PKHD1L1: variants seen among roughly 807,000 people sequenced by gnomAD.
The protein encoded by PKHD1L1 is PKHD1 like 1.
In PKHD1L1, 434 loss-of-function variants were observed where a neutral mutation model predicts 462.9. The ratio of observed to expected loss-of-function variants is 0.94; its 90% CI spans 0.87 to 1.02. PKHD1L1 has a LOEUF of 1.02. Among genes scored for constraint, PKHD1L1 ranks in the 50% least tolerant of loss-of-function variants. PKHD1L1 has a pLI of 0.00. For missense variants in PKHD1L1, 5,202 were observed against 5,096.1 expected, an observed-to-expected ratio of 1.02 and a Z score of -0.63; for synonymous variants, 1,781 against 1,750.0, an observed-to-expected ratio of 1.02 and a Z score of -0.44.
chr8:109,437,358 T>G (rs2130722672), intron 30 of PKHD1L1, among the ~76,000 whole-genome samples: 1 of 152,346 alleles, frequency 6.6e-6, no homozygotes, highest in African/African-American at 2.4e-5. Flanking sequence ...TTTTTATTAT[T>G]ATGCTTTAAG....
chr8:109,476,730 T>G (rs1818007323), intron 52 of PKHD1L1, 63 bp downstream of exon 52: 3 of 1,447,822 alleles, frequency 2.1e-6, no homozygotes, highest in Non-Finnish European at 2.8e-6. Context: ...TGAGAAAAAT[T>G]GCTTAATAAG....
At position 109,388,540 on chromosome 8, in the gene PKHD1L1, T is replaced by A; in HGVS notation, c.613T>A (p.Ser205Thr). 1.3e-6 allele frequency: 2 copies of A among 1,511,210 alleles called. No individual in the cohort carries two copies. The highest frequency in any genetic ancestry group is 2.5e-5 in the East Asian group (1 of 40,662). The allele number at this position is 1,511,210 out of a possible 1,614,324, so 93.6% of individuals were successfully genotyped here. Residue 205 changes from serine to threonine, a missense_variant, in exon 7 of 78, where the codon TCT becomes ACT. By Grantham distance (58) the Ser-to-Thr change is moderately conservative. Transcript: ENST00000378402. ...GCCCTGTGAGCTTCTCATACCACAATCTGATAATTTGTAAGTAATTCAAAT... is the reference window on the plus strand; with the variant it reads ...GCCCTGTGAGCTTCTCATACCACAAACTGATAATTTGTAAGTAATTCAAAT... Reference protein sequence around the residue: ...GMPCELLIPQSDNLYGLKLDH... With the variant: ...GMPCELLIPQTDNLYGLKLDH...
At chr8:109,374,334 T>C (rs1811688891) in intron 2 of PKHD1L1, among the ~76,000 whole-genome samples, 1 of 152,238 alleles carries the variant, frequency 6.6e-6, no homozygotes, top group Admixed American at 6.5e-5. Context: ...CTCTGCCTTT[T>C]TTGTTTTCCA....
intron 59 of PKHD1L1, among the ~76,000 whole-genome samples, chr8:109,488,659 A>G (rs1443731413): frequency 6.6e-6 from 1 of 151,952 alleles, no homozygotes; most frequent in Non-Finnish European, 1.5e-5. Flanking sequence ...TATTTTAGAA[A>G]ATCTTTATAT....
intron 71 of PKHD1L1, among the ~76,000 whole-genome samples, chr8:109,511,727 G>A (rs1025371227): frequency 2.6e-5 from 4 of 152,092 alleles, no homozygotes; most frequent in Non-Finnish European, 5.9e-5. Context: ...GGATGGCTGG[G>A]TCAAATGGTA....
At chr8:109,382,182 T>C (rs1457859520) in intron 3 of PKHD1L1, among the ~76,000 whole-genome samples, 2 of 144,854 alleles carry the variant, frequency 1.4e-5, no homozygotes, top group African/African-American at 4.9e-5. Context: ...ATGTTTATTA[T>C]TGCATTTGTT....
Position 109,406,466 on chromosome 8 carries a change from A to G in PKHD1L1, c.1801A>G (p.Ile601Val), listed in dbSNP as rs370430074. 10 of 1,601,418 alleles carry G rather than the reference A, an allele frequency of 6.2e-6. No homozygotes were observed. In the African/African-American group the frequency reaches 1.1e-4, roughly 17 times the overall value. The change falls in exon 17 of 78, where the codon ATA (isoleucine) becomes GTA (valine). Residue 601 changes from isoleucine (I) to valine (V), a missense_variant. By Grantham distance (29) the Ile-to-Val change is conservative. Coordinates refer to ENST00000378402, the MANE Select transcript of PKHD1L1 (RefSeq NM_177531.6). Reference protein sequence around the residue: ...PQSYVYMVTFISTRGDFDLLG... With the variant: ...PQSYVYMVTFVSTRGDFDLLG... ...GAGCTATGTCTACATGGTAACATTC[A>G]TATCAACTAGAGGTAAGCATGTACT...
At chr8:109,416,886 A>T (rs1471322374) in intron 21 of PKHD1L1, among the ~76,000 whole-genome samples, 1 of 152,190 alleles carries the variant, frequency 6.6e-6, no homozygotes, top group Non-Finnish European at 1.5e-5. Context: ...GGAAGGAATG[A>T]TTGAATTAAA....
At chr8:109,450,477 A>AAT (rs201037112) in intron 40 of PKHD1L1, among the ~76,000 whole-genome samples, 469 of 150,960 alleles carry the variant, frequency 3.1e-3, no homozygotes, top group African/African-American at 7.2e-3. Flanking sequence ...CTGATTAAAA[A>AAT]ATATATATAT....
chr8:109,498,087 CTTTTTTT>C (rs71305953), intron 65 of PKHD1L1, among the ~76,000 whole-genome samples: 4 of 58,960 alleles, frequency 6.8e-5, no homozygotes, highest in Non-Finnish European at 1.2e-4. Context: ...ATCATGTTTT[CTTTTTTT>C]TTTTTTTTTT....
intron 36 of PKHD1L1, 117 bp from the exon 37 acceptor site, chr8:109,443,559 A>G (rs1482968362): frequency 1.2e-6 from 1 of 865,424 alleles, no homozygotes; most frequent in East Asian, 2.7e-5. Flanking sequence ...TTGTTTTTCA[A>G]AAAAGATTTA....
rs146559431 is a variant in PKHD1L1, at chr8:109,426,892, A to G, written c.2846-110A>G. ...GATCTCAAACGCCTGACCTCAGGTG[A>G]CCCGCCCGCTTTGGCCTCCCAAAGT... On this transcript the variant is annotated intron_variant, in intron 24 of 77. Coordinates refer to ENST00000378402, the MANE Select transcript of PKHD1L1 (RefSeq NM_177531.6). 6,439 of 674,836 alleles carry G rather than the reference A, an allele frequency of 9.5e-3. 65 individuals are homozygous for G. The highest frequency in any genetic ancestry group is 0.038 in the Middle Eastern group (88 of 2,322). The allele number at this position is 674,836 out of a possible 1,614,324, so 41.8% of individuals were successfully genotyped here.
At chr8:109,441,960 A>G in intron 34 of PKHD1L1, 47 bp from the exon 35 acceptor site, 1 of 1,454,876 alleles carries the variant, frequency 6.9e-7, no homozygotes, top group Non-Finnish European at 9.1e-7. Context: ...ATAATTATTA[A>G]GAAATTCTCT....
chr8:109,394,436 A>G lies in PKHD1L1; in HGVS notation c.762A>G (p.Ala254=), dbSNP rs1341222686. 3 of 1,524,590 alleles carry G rather than the reference A, an allele frequency of 2.0e-6. No homozygotes were observed. The highest frequency in any genetic ancestry group is 1.2e-5 in the South Asian group (1 of 80,196). 94.4% of individuals were successfully genotyped at this position (1,524,590 alleles called of 1,614,324 possible). Residue 254 remains alanine, a synonymous_variant, in exon 10 of 78, where the codon GCA becomes GCG. Transcript: ENST00000378402. The part of the protein sequence containing the change: ...DYGRSFPQKM[A]YFVSSLNKIA... ...ACAGGAGTTTTCCACAGAAAATGGC[A>G]TATTTTGTTTCTTCTCTCAATAAAA...
intron 14 of PKHD1L1, 30 bp downstream of exon 14, chr8:109,401,618 G>A (rs765881219): frequency 8.4e-7 from 1 of 1,183,700 alleles, no homozygotes; most frequent in South Asian, 1.3e-5. Flanking sequence ...TTAAATTACT[G>A]TGTGGTATTT....
intron 50 of PKHD1L1, chr8:109,470,166 T>A: frequency 4.4e-6 from 3 of 677,328 alleles, no homozygotes; most frequent in South Asian, 4.6e-5. Context: ...AATATTTGGA[T>A]GAAGATTGGG....
intron 47 of PKHD1L1, among the ~76,000 whole-genome samples, chr8:109,460,861 G>GAAGGATCTATCTCA (rs1817083136): frequency 6.6e-6 from 1 of 152,096 alleles, no homozygotes; most frequent in South Asian, 2.1e-4. Context: ...ATCTCAGCAC[G>GAAGGATCTATCTCA]GGCTTCTGTG....
chr8:109,479,778 G>T, intron 54 of PKHD1L1, 139 bp downstream of exon 54: 1 of 817,126 alleles, frequency 1.2e-6, no homozygotes, highest in Non-Finnish European at 1.9e-6. Context: ...ATGCATCCCG[G>T]ATACTAAACC....
chr8:109,498,251 G>C lies in PKHD1L1; in HGVS notation c.10600-211G>C. Among the ~76,000 whole-genome samples, 2 of 103,134 alleles carry C rather than the reference G, an allele frequency of 1.9e-5. 1 individual carries two copies. The highest frequency in any genetic ancestry group is 3.8e-5 in the Non-Finnish European group (2 of 52,792). 67.7% of individuals were successfully genotyped at this position (103,134 alleles called of 152,430 possible). A position where few individuals can be genotyped will look rare whatever the true frequency, so the allele number is the denominator to read the frequency against. On this transcript the variant is annotated intron_variant, in intron 65 of 77. Coordinates refer to ENST00000378402, the MANE Select transcript of PKHD1L1 (RefSeq NM_177531.6). Reference sequence around the variant, plus strand: ...CGAGTAGCTGGGACTACAGGCGCCCGCCACCGCGCCCGGCTAATTTTTTGT... The same window carrying C: ...CGAGTAGCTGGGACTACAGGCGCCCCCCACCGCGCCCGGCTAATTTTTTGT...
Sources: allele counts gnomAD v4.1 joint callset (sites outside exome capture counted in the v4.1 genomes callset), GRCh38; gene constraint gnomAD v4.1.1; transcripts MANE v1.5; gene names NCBI Gene and HGNC (gene_info 2026-07-23, HGNC 2026-07-21).